PLXNA4: variants seen among roughly 807,000 people sequenced by gnomAD.
PLXNA4 encodes plexin-A4.
A neutral mutation model predicts 191.8 loss-of-function variants in PLXNA4; 44 were observed. The ratio of observed to expected loss-of-function variants is 0.23; its 90% CI spans 0.18 to 0.29. PLXNA4 has a LOEUF of 0.29. Ranked by LOEUF, PLXNA4 falls within the 10% of genes least tolerant of loss-of-function variation. PLXNA4 has a pLI of 1.00. For missense variants in PLXNA4, 1,800 were observed against 2,488.8 expected, an observed-to-expected ratio of 0.72 and a Z score of 5.89; for synonymous variants, 1,082 against 1,009.5, an observed-to-expected ratio of 1.07 and a Z score of -1.36.
chr7:132,265,318 T>C (rs1799807340), intron 4 of PLXNA4, among the ~76,000 whole-genome samples: 1 of 152,258 alleles, frequency 6.6e-6, no homozygotes, highest in Non-Finnish European at 1.5e-5. Context: ...CTATTTTGTT[T>C]ACCAATTATC....
At chr7:132,631,753 A>C (rs1803494477) in intron 2 of PLXNA4, among the ~76,000 whole-genome samples, 1 of 152,174 alleles carries the variant, frequency 6.6e-6, no homozygotes, top group Non-Finnish European at 1.5e-5. Context: ...TCCTGGGATG[A>C]TTAAATCTAT....
At chr7:132,396,484 G>A (rs1199075764) in intron 3 of PLXNA4, among the ~76,000 whole-genome samples, 2 of 151,982 alleles carry the variant, frequency 1.3e-5, no homozygotes, top group East Asian at 1.9e-4. Context: ...TTGGGTTTTG[G>A]GTTTTTTATT....
At chr7:132,179,983 C>A in intron 19 of PLXNA4, 62 bp from the exon 20 acceptor site, 1 of 1,518,828 alleles carries the variant, frequency 6.6e-7, no homozygotes, top group South Asian at 1.2e-5. Flanking sequence ...GGCAACAGTC[C>A]CAAGTTACCC....
chr7:132,648,028 C>A (rs894495896), intron 1 of PLXNA4, among the ~76,000 whole-genome samples: 9 of 151,996 alleles, frequency 5.9e-5, no homozygotes, highest in Admixed American at 1.3e-4. Context: ...TATACTCACA[C>A]ACACACAGTC....
chr7:132,268,139 T>C (rs1005825928), intron 4 of PLXNA4, among the ~76,000 whole-genome samples: 1 of 152,248 alleles, frequency 6.6e-6, no homozygotes, highest in Non-Finnish European at 1.5e-5. Context: ...GGGTTATTTA[T>C]GAACTTGCCA....
chr7:132,588,778 AAG>A (rs1235946663), intron 2 of PLXNA4, among the ~76,000 whole-genome samples: 7 of 151,326 alleles, frequency 4.6e-5, no homozygotes, highest in Admixed American at 2.0e-4. Flanking sequence ...AAGAAAGAGA[AAG>A]AGAGAAAAAG....
chr7:132,186,077 A>T (rs973453398), intron 15 of PLXNA4, among the ~76,000 whole-genome samples: 2 of 152,206 alleles, frequency 1.3e-5, no homozygotes, highest in Non-Finnish European at 1.5e-5. Flanking sequence ...GAATTGTCAC[A>T]GCTCTCAGCG....
intron 2 of PLXNA4, among the ~76,000 whole-genome samples, chr7:132,582,494 G>A (rs1434247048): frequency 6.6e-6 from 1 of 152,166 alleles, no homozygotes; most frequent in African/African-American, 2.4e-5. Flanking sequence ...AAGTGACAGT[G>A]TCCAAGGCTA....
At chr7:132,486,253 C>T (rs142188618) in intron 3 of PLXNA4, among the ~76,000 whole-genome samples, 27 of 152,338 alleles carry the variant, frequency 1.8e-4, no homozygotes, top group Middle Eastern at 3.4e-3. Flanking sequence ...CAACTTGTCA[C>T]GGCTGGGCCT....
chr7:132,302,232 G>A (rs1801335073), intron 3 of PLXNA4, among the ~76,000 whole-genome samples: 1 of 152,134 alleles, frequency 6.6e-6, no homozygotes, highest in African/African-American at 2.4e-5. Flanking sequence ...GGAGGGAGCA[G>A]GAAAATGTGC....
At chr7:132,342,100 T>C (rs1006338521) in intron 3 of PLXNA4, among the ~76,000 whole-genome samples, 4 of 151,702 alleles carry the variant, frequency 2.6e-5, no homozygotes, top group African/African-American at 7.3e-5. Flanking sequence ...GGCATCAATC[T>C]GGCTTCAAGG....
chr7:132,134,096 A>G (rs530825931), intron 30 of PLXNA4, among the ~76,000 whole-genome samples: 27 of 152,306 alleles, frequency 1.8e-4, no homozygotes, highest in African/African-American at 6.5e-4. Context: ...TCTGCAGGGC[A>G]GGGACTAGGG....
intron 3 of PLXNA4, among the ~76,000 whole-genome samples, chr7:132,412,946 A>G (rs1024086355): frequency 6.6e-6 from 1 of 151,992 alleles, no homozygotes; most frequent in African/African-American, 2.4e-5. Context: ...GAGGTAAACT[A>G]TTGCTGATGT....
At chr7:132,427,970 C>A (rs886325979) in intron 3 of PLXNA4, among the ~76,000 whole-genome samples, 6 of 152,210 alleles carry the variant, frequency 3.9e-5, no homozygotes, top group Non-Finnish European at 8.8e-5. Flanking sequence ...CACATCCCCT[C>A]TCCTCTCCCC....
intron 2 of PLXNA4, among the ~76,000 whole-genome samples, chr7:132,620,688 G>T (rs1431566689): frequency 6.6e-6 from 1 of 152,170 alleles, no homozygotes; most frequent in South Asian, 2.1e-4. Flanking sequence ...TATAAATGAT[G>T]TAATAGGATA....
intron 3 of PLXNA4, among the ~76,000 whole-genome samples, chr7:132,350,296 G>A (rs1448370431): frequency 6.6e-6 from 1 of 152,106 alleles, no homozygotes; most frequent in African/African-American, 2.4e-5. Context: ...TTGAGGTCAG[G>A]AGTTTGAGAC....
chr7:132,264,684 C>CTTTTTTT (rs56218905), intron 4 of PLXNA4, among the ~76,000 whole-genome samples: 16 of 130,324 alleles, frequency 1.2e-4, no homozygotes, highest in Non-Finnish European at 1.1e-4. Context: ...GTCCTCCCCG[C>CTTTTTTT]TTTTTTTTTT....
intron 2 of PLXNA4, among the ~76,000 whole-genome samples, chr7:132,628,097 C>T (rs1270735000): frequency 6.6e-6 from 1 of 152,186 alleles, no homozygotes; most frequent in African/African-American, 2.4e-5. Context: ...CCTTGTGGAA[C>T]ACATTTTCTA....
At chr7:132,440,018 G>A (rs909051337) in intron 3 of PLXNA4, among the ~76,000 whole-genome samples, 1 of 151,788 alleles carries the variant, frequency 6.6e-6, no homozygotes, top group Non-Finnish European at 1.5e-5. Context: ...GTGTATGTGT[G>A]TGTGTGTGAT....
Sources: gnomAD v4.1 joint callset for allele counts (sites outside exome capture counted in the v4.1 genomes callset) on GRCh38, gnomAD v4.1.1 for gene constraint, MANE v1.5 for transcripts, NCBI Gene and HGNC (gene_info 2026-07-23, HGNC 2026-07-21) for gene names.